DOCK2: variants seen among roughly 807,000 people sequenced by gnomAD.
DOCK2 encodes the protein dedicator of cytokinesis 2, also known as dedicator of cytokinesis protein 2.
A neutral mutation model predicts 248.9 loss-of-function variants in DOCK2; 87 were observed. The observed-to-expected ratio is 0.35, with a 90% CI of 0.29 to 0.42. DOCK2 has a LOEUF of 0.42. DOCK2 is among the 10% of genes least tolerant of loss of function. The pLI, the probability that DOCK2 is intolerant of heterozygous loss-of-function variation, is 1.00. For synonymous variants in DOCK2, 805 were observed against 821.6 expected (o/e 0.98, Z 0.35); for missense variants, 1,747 against 2,300.2 (o/e 0.76, Z 4.92).
At chr5:169,740,159 T>C (rs1184650448) in intron 22 of DOCK2, among the ~76,000 whole-genome samples, 1 of 152,184 alleles carries the variant, frequency 6.6e-6, no homozygotes, top group Non-Finnish European at 1.5e-5. Context: ...CTTAAAGTTC[T>C]TTTCAGGCTT....
intron 27 of DOCK2, among the ~76,000 whole-genome samples, chr5:169,904,864 C>A (rs1454169826): frequency 6.6e-6 from 1 of 152,086 alleles, no homozygotes; most frequent in East Asian, 1.9e-4. Flanking sequence ...GACTATGGCA[C>A]CTTCACTGCT....
chr5:169,725,861 A>ATACT (rs1762445276), intron 22 of DOCK2, among the ~76,000 whole-genome samples: 1 of 152,124 alleles, frequency 6.6e-6, no homozygotes, highest in African/African-American at 2.4e-5. Flanking sequence ...GCTGCATAGT[A>ATACT]TTCCATGGTG....
intron 29 of DOCK2, among the ~76,000 whole-genome samples, chr5:169,989,696 C>G (rs533752142): frequency 6.6e-6 from 1 of 152,318 alleles, no homozygotes; most frequent in East Asian, 1.9e-4. Context: ...TGAGCAAGAT[C>G]CTTCACCACT....
chr5:170,061,817 G>A (rs1024648499), intron 44 of DOCK2, among the ~76,000 whole-genome samples: 2 of 152,204 alleles, frequency 1.3e-5, no homozygotes, highest in Non-Finnish European at 2.9e-5. Context: ...TTCAAATGCA[G>A]GTGTGTTGCT....
At chr5:169,770,274 A>C (rs1029120019) in intron 25 of DOCK2, among the ~76,000 whole-genome samples, 1 of 151,192 alleles carries the variant, frequency 6.6e-6, no homozygotes, top group African/African-American at 2.4e-5. Context: ...CACCTAAGGT[A>C]ACCACATTCT....
At chr5:170,008,077 C>A (rs1164323681) in intron 30 of DOCK2, among the ~76,000 whole-genome samples, 2 of 152,142 alleles carry the variant, frequency 1.3e-5, no homozygotes, top group East Asian at 3.9e-4. Context: ...GGCAGTGAAT[C>A]CCTGAACTAT....
chr5:169,680,408 A>G (rs1288619974), intron 6 of DOCK2, among the ~76,000 whole-genome samples: 1 of 152,224 alleles, frequency 6.6e-6, no homozygotes, highest in African/African-American at 2.4e-5. Flanking sequence ...AATACCAAAC[A>G]GGGAAAAGCT....
intron 27 of DOCK2, among the ~76,000 whole-genome samples, chr5:169,844,484 C>A (rs769453288): frequency 1.3e-5 from 2 of 152,164 alleles, no homozygotes; most frequent in East Asian, 1.9e-4. Flanking sequence ...CTTGGCTCAC[C>A]GCCCAGCCTT....
chr5:170,068,527 A>G (rs1487150853), intron 45 of DOCK2, among the ~76,000 whole-genome samples: 2 of 152,146 alleles, frequency 1.3e-5, no homozygotes, highest in Non-Finnish European at 2.9e-5. Context: ...AATCCTTCCA[A>G]CTACCCTCAG....
At chr5:169,674,879 A>G (rs1242070733) in intron 6 of DOCK2, among the ~76,000 whole-genome samples, 1 of 152,242 alleles carries the variant, frequency 6.6e-6, no homozygotes, top group Non-Finnish European at 1.5e-5. Context: ...AATTACAAAA[A>G]TGTTTCCTCA....
intron 21 of DOCK2, among the ~76,000 whole-genome samples, chr5:169,718,422 A>G (rs1033492973): frequency 4.6e-5 from 7 of 151,658 alleles, no homozygotes; most frequent in Admixed American, 4.6e-4. Flanking sequence ...TAGTCAAAAG[A>G]TTTTTTTTTC....
intron 29 of DOCK2, among the ~76,000 whole-genome samples, chr5:169,988,030 G>A (rs947456081): frequency 3.5e-4 from 53 of 152,134 alleles, no homozygotes; most frequent in African/African-American, 1.1e-3. Flanking sequence ...TTAGCACAGT[G>A]CCAGGATCAA....
At chr5:169,864,978 C>T (rs545335704) in intron 27 of DOCK2, among the ~76,000 whole-genome samples, 26 of 152,274 alleles carry the variant, frequency 1.7e-4, no homozygotes, top group East Asian at 3.9e-4. Flanking sequence ...CTAAGTCCTC[C>T]GTATGTGTTA....
intron 22 of DOCK2, among the ~76,000 whole-genome samples, chr5:169,745,872 C>G (rs531187315): frequency 6.6e-6 from 1 of 152,120 alleles, no homozygotes; most frequent in African/African-American, 2.4e-5. Context: ...AACAAGAAGG[C>G]TCAGGAGTGA....
intron 27 of DOCK2, among the ~76,000 whole-genome samples, chr5:169,917,481 A>T (rs1339988214): frequency 2.0e-5 from 3 of 152,178 alleles, no homozygotes; most frequent in Non-Finnish European, 4.4e-5. Context: ...AGTGGAGCAG[A>T]TTATTTTTTG....
At chr5:169,934,214 G>A (rs750072652) in intron 27 of DOCK2, among the ~76,000 whole-genome samples, 2 of 152,156 alleles carry the variant, frequency 1.3e-5, no homozygotes, top group South Asian at 2.1e-4. Flanking sequence ...TATTGTTCAC[G>A]TAATAACAGT....
At chr5:169,756,905 A>G (rs1764224542) in intron 23 of DOCK2, among the ~76,000 whole-genome samples, 1 of 150,822 alleles carries the variant, frequency 6.6e-6, no homozygotes, top group African/African-American at 2.4e-5. Flanking sequence ...AGCCTGGGCA[A>G]CAAGAGTGAA....
intron 27 of DOCK2, among the ~76,000 whole-genome samples, chr5:169,944,255 C>T (rs529766202): frequency 6.6e-6 from 1 of 152,314 alleles, no homozygotes; most frequent in Admixed American, 6.5e-5. Context: ...TATTCTATTT[C>T]CTGTGACCTG....
intron 22 of DOCK2, among the ~76,000 whole-genome samples, chr5:169,727,067 CAAA>C (rs796894886): frequency 2.2e-4 from 20 of 89,278 alleles, no homozygotes; most frequent in African/African-American, 6.0e-4. Flanking sequence ...GACCCTGTCT[CAAA>C]AAAAAAAAAA....
Sources: allele counts gnomAD v4.1 joint callset (sites outside exome capture counted in the v4.1 genomes callset), GRCh38; gene constraint gnomAD v4.1.1; transcripts MANE v1.5; gene names NCBI Gene and HGNC (gene_info 2026-07-23, HGNC 2026-07-21).